LPAR3: variants seen among roughly 807,000 people sequenced by gnomAD.
LPAR3 encodes lysophosphatidic acid receptor 3, also known as LPA receptor 3.
A neutral mutation model predicts 17.8 loss-of-function variants in LPAR3; 7 were observed. The ratio of observed to expected loss-of-function variants is 0.39; its 90% CI spans 0.22 to 0.74. The LOEUF (loss-of-function observed/expected upper bound fraction) is 0.74, where lower values mean the gene tolerates loss of function less well. Among genes scored for constraint, LPAR3 ranks in the 30% least tolerant of loss-of-function variants. The pLI is 0.40. For missense variants in LPAR3, 391 were observed against 453.4 expected (o/e 0.86, Z 1.25); for synonymous variants, 179 against 179.9 (o/e 0.99, Z 0.04).
rs553916369 is a variant in LPAR3 at position 84,848,692 on chromosome 1, A to G, written c.736+16693T>C. Among the ~76,000 whole-genome samples, 3 of 152,286 alleles carry G rather than the reference A, an allele frequency of 2.0e-5. No individual in the cohort carries two copies. In the East Asian group the frequency reaches 5.8e-4, roughly 29 times the overall value. Reference sequence around the variant, plus strand: ...TGAGAAGACACAGTTTTAGTTTCTAAGCTGCATGCAAACTCAGGTAGAGCC... The same window carrying G: ...TGAGAAGACACAGTTTTAGTTTCTAGGCTGCATGCAAACTCAGGTAGAGCC... On this transcript the variant is annotated intron_variant, in intron 2 of 2. Transcript: ENST00000370611.
intron 2 of LPAR3, among the ~76,000 whole-genome samples, chr1:84,822,548 C>A (rs1185543676): frequency 6.6e-6 from 1 of 152,156 alleles, no homozygotes; most frequent in East Asian, 1.9e-4. Flanking sequence ...TGTTTACATA[C>A]TCGATAACAA....
chr1:84,829,377 A>T (rs1449920913), intron 2 of LPAR3, among the ~76,000 whole-genome samples: 1 of 151,766 alleles, frequency 6.6e-6, no homozygotes, highest in African/African-American at 2.4e-5. Context: ...ATGTCTACCA[A>T]ATTCTCTGAG....
Position 84,821,767 on chromosome 1 carries a change from G to C in LPAR3, c.737-7596C>G, listed in dbSNP as rs755868246. On this transcript the variant is annotated intron_variant, in intron 2 of 2. Coordinates refer to ENST00000370611, the MANE Select transcript of LPAR3 (RefSeq NM_012152.3). The stretch of plus-strand genomic sequence containing the variant: ...GGTTGTGGAGATGGTCAGAGAAGCT[G>C]TAAGGGGGAAGGAAATGTGAGACCT... Among the ~76,000 whole-genome samples the C allele has an allele frequency of 5.2e-4, 79 of 152,320 alleles. 1 individual carries two copies. Among genetic ancestry groups the C allele is most frequent in the Middle Eastern group, 3.4e-3 (1 of 294 alleles).
At chr1:84,852,533 C>T (rs981706832) in intron 2 of LPAR3, among the ~76,000 whole-genome samples, 1 of 152,112 alleles carries the variant, frequency 6.6e-6, no homozygotes, top group Non-Finnish European at 1.5e-5. Context: ...GCAGCTGAAG[C>T]TTGTGGTGCC....
chr1:84,869,183 A>G (rs1405954134), intron 1 of LPAR3, among the ~76,000 whole-genome samples: 1 of 152,244 alleles, frequency 6.6e-6, no homozygotes, highest in Non-Finnish European at 1.5e-5. Flanking sequence ...ATTTTTAATT[A>G]TATCAAGCAC....
chr1:84,891,045 AC>A (rs1311776233), intron 1 of LPAR3, among the ~76,000 whole-genome samples: 1 of 152,210 alleles, frequency 6.6e-6, no homozygotes, highest in Non-Finnish European at 1.5e-5. Flanking sequence ...CACATGAAAA[AC>A]AATCTCATAC....
At chr1:84,848,322 T>C (rs1282380973) in intron 2 of LPAR3, among the ~76,000 whole-genome samples, 1 of 152,218 alleles carries the variant, frequency 6.6e-6, no homozygotes, top group Non-Finnish European at 1.5e-5. Context: ...TGCTGGGCCC[T>C]GAGGCTGGCC....
At chr1:84,883,296 C>T (rs1265199219) in intron 1 of LPAR3, among the ~76,000 whole-genome samples, 3 of 152,198 alleles carry the variant, frequency 2.0e-5, no homozygotes, top group Non-Finnish European at 2.9e-5. Flanking sequence ...AGGAAGAATC[C>T]TTTCCCTCAC....
Position 84,812,335 on chromosome 1 carries a change from A to G in LPAR3, c.*1511T>C. The G allele has an allele frequency of 6.6e-6, 1 of 151,956 alleles. No individual in the cohort carries two copies. The highest frequency in any genetic ancestry group is 2.1e-4 in the South Asian group (1 of 4,822). The allele number at this position is 151,956 out of a possible 1,614,324, so 9.4% of individuals were successfully genotyped here. A position where few individuals can be genotyped will look rare whatever the true frequency, so the allele number is the denominator to read the frequency against. On this transcript the variant is annotated 3_prime_UTR_variant, in exon 3 of 3. Transcript: ENST00000370611. ...ACTGGAAAGTCTAGGTGGCCCGTGA[A>G]TTGATTTCACCTTCGCTGTCCTTCG...
chr1:84,836,954 T>C (rs1352078673), intron 2 of LPAR3, among the ~76,000 whole-genome samples: 2 of 152,140 alleles, frequency 1.3e-5, no homozygotes, highest in African/African-American at 4.8e-5. Context: ...GTGTAGTTAG[T>C]ATACCCAAAA....
intron 1 of LPAR3, among the ~76,000 whole-genome samples, chr1:84,878,924 G>C (rs1660308577): frequency 6.6e-6 from 1 of 152,170 alleles, no homozygotes; most frequent in South Asian, 2.1e-4. Context: ...CTACTATAGT[G>C]TTCCCTGCCT....
At chr1:84,889,282 A>G (rs565944400) in intron 1 of LPAR3, among the ~76,000 whole-genome samples, 57 of 152,256 alleles carry the variant, frequency 3.7e-4, no homozygotes, top group Middle Eastern at 6.8e-3. Context: ...AATTAGCTTA[A>G]TTTGGGGGTG....
At chr1:84,834,988 C>T (rs1479306683) in intron 2 of LPAR3, among the ~76,000 whole-genome samples, 2 of 152,180 alleles carry the variant, frequency 1.3e-5, no homozygotes, top group African/African-American at 4.8e-5. Context: ...TCTACTTGGT[C>T]CTAGTTTTAA....
At chr1:84,853,782 C>G (rs929270938) in intron 2 of LPAR3, among the ~76,000 whole-genome samples, 2 of 152,280 alleles carry the variant, frequency 1.3e-5, no homozygotes, top group South Asian at 4.1e-4. Flanking sequence ...TTTCTAAAAC[C>G]CTGCTTTGCA....
intron 2 of LPAR3, among the ~76,000 whole-genome samples, chr1:84,836,280 G>T (rs1296149864): frequency 6.8e-6 from 1 of 148,090 alleles, no homozygotes; most frequent in Admixed American, 6.8e-5. Flanking sequence ...CATGGCCTCA[G>T]TGAGTCATCA....
At chr1:84,823,314 A>G (rs1158858185) in intron 2 of LPAR3, among the ~76,000 whole-genome samples, 1 of 152,212 alleles carries the variant, frequency 6.6e-6, no homozygotes, top group African/African-American at 2.4e-5. Context: ...AGTCAAATTC[A>G]TATTCATTTA....
chr1:84,840,861 G>A (rs1239868114), intron 2 of LPAR3, among the ~76,000 whole-genome samples: 1 of 152,216 alleles, frequency 6.6e-6, no homozygotes, highest in Non-Finnish European at 1.5e-5. Context: ...TGCATCCCTT[G>A]TCAGGGACAC....
intron 1 of LPAR3, among the ~76,000 whole-genome samples, chr1:84,867,208 G>T (rs994708369): frequency 2.0e-4 from 30 of 152,196 alleles, no homozygotes; most frequent in African/African-American, 7.2e-4. Flanking sequence ...CTGTCTACAC[G>T]TGGTGGGGAA....
chr1:84,833,493 T>A (rs1659332823), intron 2 of LPAR3, among the ~76,000 whole-genome samples: 1 of 152,100 alleles, frequency 6.6e-6, no homozygotes, highest in South Asian at 2.1e-4. Context: ...CAGCATTGGG[T>A]CACCGTCATG....
Sources: allele counts gnomAD v4.1 joint callset (sites outside exome capture counted in the v4.1 genomes callset), GRCh38; gene constraint gnomAD v4.1.1; transcripts MANE v1.5; gene names NCBI Gene and HGNC (gene_info 2026-07-23, HGNC 2026-07-21).